The following PRKCI variants were observed in gnomAD, a reference collection of about 807,000 sequenced individuals.
PRKCI encodes protein kinase C iota, also known as protein kinase C iota type.
Under a neutral mutation model 84.0 loss-of-function variants are expected in PRKCI, and 43 were observed. The ratio of observed to expected loss-of-function variants is 0.51; its 90% CI spans 0.40 to 0.66. The LOEUF is 0.66. Ranked by LOEUF, PRKCI falls within the 30% of genes least tolerant of loss-of-function variation. PRKCI has a pLI of 0.00. For synonymous variants in PRKCI, 216 were observed against 234.4 expected (o/e 0.92, Z 0.72); for missense variants, 459 against 745.6 (o/e 0.62, Z 4.48).
intron 3 of PRKCI, 123 bp from the exon 4 acceptor site, chr3:170,263,256 C>G: frequency 4.3e-6 from 3 of 695,222 alleles, no homozygotes; most frequent in East Asian, 2.8e-5. Flanking sequence ...AGTATCTTGT[C>G]TCAAGTGAAG....
chr3:170,297,498 A>G (rs1167742977), intron 16 of PRKCI, 105 bp downstream of exon 16: 1 of 913,858 alleles, frequency 1.1e-6, no homozygotes, highest in Non-Finnish European at 1.7e-6. Flanking sequence ...TCTGTCACCG[A>G]GGCTGGAGTA....
At chr3:170,271,737 G>T (rs188727462) in intron 6 of PRKCI, among the ~76,000 whole-genome samples, 10 of 152,270 alleles carry the variant, frequency 6.6e-5, no homozygotes, top group African/African-American at 2.4e-4. Flanking sequence ...GGTTTGATTA[G>T]ATTCTGGGGT....
At chr3:170,302,893 T>C (rs1039044771) in intron 17 of PRKCI, 147 bp from the exon 18 acceptor site, 2 of 539,600 alleles carry the variant, frequency 3.7e-6, no homozygotes, top group African/African-American at 3.9e-5. Context: ...TTGATTCGTC[T>C]AGAAAATCTG....
chr3:170,269,887 G>A (rs1488290411), intron 5 of PRKCI, among the ~76,000 whole-genome samples: 1 of 152,062 alleles, frequency 6.6e-6, no homozygotes, highest in Admixed American at 6.6e-5. Context: ...GAACCCGGGA[G>A]GCGGAGGTTG....
chr3:170,282,068 CTAGT>C (rs1734262315), intron 11 of PRKCI, 100 bp downstream of exon 11: 1 of 1,235,846 alleles, frequency 8.1e-7, no homozygotes, highest in South Asian at 1.6e-5. Flanking sequence ...TATTTTGATA[CTAGT>C]TAATTATTTG....
At chr3:170,250,696 G>A (rs559140042) in intron 2 of PRKCI, among the ~76,000 whole-genome samples, 1 of 152,148 alleles carries the variant, frequency 6.6e-6, no homozygotes, top group African/African-American at 2.4e-5. Context: ...ATGTTGCTAC[G>A]AACATTTGGT....
intron 16 of PRKCI, among the ~76,000 whole-genome samples, chr3:170,298,632 C>G (rs1170854420): frequency 2.0e-5 from 3 of 152,116 alleles, no homozygotes; most frequent in Non-Finnish European, 4.4e-5. Context: ...TCTTGAATCC[C>G]TGACCTCAGG....
rs1734899983 is a variant in PRKCI at position 170,304,263 on chromosome 3, C to T, written c.*1136C>T. ...AATTTAAAATAGATACAGAAAAGTA[C>T]ACTGGTAATATTTTTATTTCCTATT... is the stretch of plus-strand genomic sequence containing the variant. On this transcript the variant is annotated 3_prime_UTR_variant, in exon 18 of 18. Transcript: ENST00000295797. The T allele has an allele frequency of 6.6e-6, 1 of 152,106 alleles. No individual in the cohort carries two copies. Among genetic ancestry groups the T allele is most frequent in the South Asian group, 2.1e-4 (1 of 4,816 alleles). The allele number at this position is 152,106 out of a possible 1,614,324, so 9.4% of individuals were successfully genotyped here.
intron 2 of PRKCI, among the ~76,000 whole-genome samples, chr3:170,240,402 T>A (rs772729149): frequency 6.6e-6 from 1 of 152,200 alleles, no homozygotes; most frequent in Non-Finnish European, 1.5e-5. Flanking sequence ...CCTAAGTAGC[T>A]ATTAAGTTTC....
chr3:170,222,476 G>T lies in PRKCI; in HGVS notation c.-194G>T. 2.1e-6 allele frequency: 1 copy of T among 472,712 alleles called. No individual in the cohort carries two copies. Among genetic ancestry groups the T allele is most frequent in the South Asian group, 4.4e-5 (1 of 22,918 alleles). The allele number at this position is 472,712 out of a possible 1,614,324, so 29.3% of individuals were successfully genotyped here. A position where few individuals can be genotyped will look rare whatever the true frequency, so the allele number is the denominator to read the frequency against. On this transcript the variant is annotated 5_prime_UTR_variant, in exon 1 of 18. Coordinates refer to ENST00000295797, the MANE Select transcript of PRKCI (RefSeq NM_002740.6). Reference sequence around the variant, plus strand: ...GGCTGTAGAGGCGGCGGCGCCTACGGGCAGTGGGAGGAGCCGCGCGGTTCC... The same window carrying T: ...GGCTGTAGAGGCGGCGGCGCCTACGTGCAGTGGGAGGAGCCGCGCGGTTCC...
At chr3:170,230,050 T>C (rs1328193250) in intron 1 of PRKCI, among the ~76,000 whole-genome samples, 1 of 152,210 alleles carries the variant, frequency 6.6e-6, no homozygotes, top group Non-Finnish European at 1.5e-5. Context: ...AGTTTTTCGT[T>C]TTTATGTCAT....
intron 7 of PRKCI, among the ~76,000 whole-genome samples, chr3:170,274,419 C>CCATGG (rs1734067424): frequency 6.6e-6 from 1 of 152,184 alleles, no homozygotes; most frequent in African/African-American, 2.4e-5. Context: ...CAGGCATGAG[C>CCATGG]CATGGCACCC....
In PRKCI at chr3:170,291,777, G is replaced by A. The variant is rs951358882; in HGVS notation, c.1204-77G>A. 3.3e-5 allele frequency: 37 copies of A among 1,113,320 alleles called. No homozygotes were observed. In the East Asian group the frequency reaches 8.6e-4, roughly 26 times the overall value. The allele number at this position is 1,113,320 out of a possible 1,614,324, so 69.0% of individuals were successfully genotyped here. A position where few individuals can be genotyped will look rare whatever the true frequency, so the allele number is the denominator to read the frequency against. On this transcript the variant is annotated intron_variant, in intron 12 of 17. Coordinates refer to ENST00000295797, the MANE Select transcript of PRKCI (RefSeq NM_002740.6). ...ATCACTGCAGATGCTGAACTTATAT[G>A]ATAGGTGAAATAGAAAGGGTGAATT...
rs73036308 is a variant in PRKCI at position 170,270,336 on chromosome 3, A to G, written c.451-85A>G. The G allele has an allele frequency of 3.6e-3, 4,744 of 1,321,774 alleles. 154 individuals carry two copies. In the African/African-American group the frequency reaches 0.062, roughly 17 times the overall value. 81.9% of individuals were successfully genotyped at this position (1,321,774 alleles called of 1,614,324 possible). ...TTGTGGGCTGACAGTTGACACCGTG[A>G]CAAAGGGAATTGAGTCAGCAAACTA... is the stretch of plus-strand genomic sequence containing the variant. On this transcript the variant is annotated intron_variant, in intron 5 of 17. Transcript: ENST00000295797.
intron 2 of PRKCI, among the ~76,000 whole-genome samples, chr3:170,236,679 T>C (rs939076030): frequency 6.6e-6 from 1 of 151,940 alleles, no homozygotes; most frequent in East Asian, 1.9e-4. Context: ...CTGGGCAACA[T>C]TGTGAGACCC....
chr3:170,266,850 G>A (rs993542376), intron 4 of PRKCI, among the ~76,000 whole-genome samples: 14 of 152,046 alleles, frequency 9.2e-5, no homozygotes, highest in African/African-American at 2.4e-4. Flanking sequence ...AAAATTAGCC[G>A]GGTGTGGTGG....
chr3:170,240,655 C>G (rs115929723), intron 2 of PRKCI, among the ~76,000 whole-genome samples: 1 of 152,138 alleles, frequency 6.6e-6, no homozygotes, highest in Non-Finnish European at 1.5e-5. Context: ...TGGGGCATGT[C>G]GGTCTGATCT....
chr3:170,263,374 T>G lies in PRKCI; in HGVS notation c.314-5T>G. The stretch of plus-strand genomic sequence containing the variant: ...GTTAACTCATGTTCGTTTATTTTCT[T>G]TCAGTGTTCCCTTGTGTACCAGAAC... On this transcript the variant is annotated splice_region_variant and splice_polypyrimidine_tract_variant and intron_variant, in intron 3 of 17. Coordinates refer to ENST00000295797, the MANE Select transcript of PRKCI (RefSeq NM_002740.6). 1.3e-6 allele frequency: 2 copies of G among 1,597,282 alleles called. No individual in the cohort carries two copies. Among genetic ancestry groups the G allele is most frequent in the South Asian group, 2.2e-5 (2 of 90,620 alleles).
intron 7 of PRKCI, 44 bp from the exon 8 acceptor site, chr3:170,275,185 A>AG: frequency 7.7e-7 from 1 of 1,295,336 alleles, no homozygotes; most frequent in Non-Finnish European, 1.0e-6. Flanking sequence ...TTTCTCCTGC[A>AG]CCTTTTTTTT....
Sources: allele counts gnomAD v4.1 joint callset (sites outside exome capture counted in the v4.1 genomes callset), GRCh38; gene constraint gnomAD v4.1.1; transcripts MANE v1.5; gene names NCBI Gene and HGNC (gene_info 2026-07-23, HGNC 2026-07-21).